RPH3A: variants seen among roughly 807,000 people sequenced by gnomAD.
RPH3A encodes the protein rabphilin 3A.
Under a neutral mutation model 102.2 loss-of-function variants are expected in RPH3A, and 48 were observed. The ratio of observed to expected loss-of-function variants is 0.47; its 90% confidence interval spans 0.37 to 0.60. RPH3A has a LOEUF of 0.60. RPH3A is among the 20% of genes least tolerant of loss of function. The pLI, the probability that RPH3A is intolerant of heterozygous loss-of-function variation, is 0.00. For synonymous variants in RPH3A, 310 were observed against 324.3 expected (o/e 0.96, Z 0.47); for missense variants, 781 against 910.1 (o/e 0.86, Z 1.83).
intron 2 of RPH3A, among the ~76,000 whole-genome samples, chr12:112,823,494 C>T (rs772269664): frequency 1.3e-5 from 2 of 152,240 alleles, no homozygotes; most frequent in African/African-American, 2.4e-5. Context: ...ATCCTATACC[C>T]GATAAGTATA....
intron 1 of RPH3A, among the ~76,000 whole-genome samples, chr12:112,668,424 A>G (rs759469480): frequency 3.9e-5 from 6 of 152,178 alleles, no homozygotes; most frequent in African/African-American, 9.6e-5. Context: ...AATGGCATCA[A>G]TGATAAACTG....
intron 7 of RPH3A, among the ~76,000 whole-genome samples, chr12:112,867,333 G>C (rs1211404347): frequency 6.6e-6 from 1 of 151,724 alleles, no homozygotes; most frequent in East Asian, 1.9e-4. Flanking sequence ...CCCCAGTCCT[G>C]CTTCTTACTC....
At chr12:112,631,259 C>T (rs2135985986) in intron 1 of RPH3A, among the ~76,000 whole-genome samples, 1 of 152,230 alleles carries the variant, frequency 6.6e-6, no homozygotes, top group African/African-American at 2.4e-5. Flanking sequence ...GCAAGGTAGA[C>T]TTTGCTGAAG....
chr12:112,587,976 T>C (rs2039450392), intron 1 of RPH3A, among the ~76,000 whole-genome samples: 1 of 152,196 alleles, frequency 6.6e-6, no homozygotes, highest in African/African-American at 2.4e-5. Flanking sequence ...GATTATAATC[T>C]TCTTGAAGGA....
intron 1 of RPH3A, among the ~76,000 whole-genome samples, chr12:112,706,319 G>A (rs918111762): frequency 1.3e-5 from 2 of 152,144 alleles, no homozygotes; most frequent in African/African-American, 4.8e-5. Flanking sequence ...CAACTCTTCA[G>A]GTGGGATAAC....
intron 1 of RPH3A, among the ~76,000 whole-genome samples, chr12:112,641,673 C>T (rs1202373396): frequency 2.0e-5 from 3 of 152,212 alleles, no homozygotes; most frequent in Admixed American, 1.3e-4. Flanking sequence ...GCTGGGATTA[C>T]AGGCATGAGC....
At chr12:112,763,667 T>C (rs2040869372) in intron 1 of RPH3A, among the ~76,000 whole-genome samples, 1 of 152,204 alleles carries the variant, frequency 6.6e-6, no homozygotes, top group Admixed American at 6.5e-5. Context: ...AGATTGTAAA[T>C]GTTTCTTATC....
At chr12:112,883,964 C>T (rs1376356735) in intron 16 of RPH3A, among the ~76,000 whole-genome samples, 5 of 152,188 alleles carry the variant, frequency 3.3e-5, no homozygotes, top group Middle Eastern at 3.4e-3. Context: ...CTGCTAGGAA[C>T]ATTCTAGTAG....
chr12:112,811,675 T>C (rs1323317792), intron 2 of RPH3A, among the ~76,000 whole-genome samples: 1 of 152,198 alleles, frequency 6.6e-6, no homozygotes, highest in Non-Finnish European at 1.5e-5. Context: ...TGAATGACCA[T>C]GAAAGGGTCA....
At chr12:112,750,643 G>A (rs956425107) in intron 1 of RPH3A, among the ~76,000 whole-genome samples, 4 of 152,154 alleles carry the variant, frequency 2.6e-5, no homozygotes, top group Non-Finnish European at 5.9e-5. Context: ...AAGAGAGGAT[G>A]CTGCTATGTC....
intron 1 of RPH3A, among the ~76,000 whole-genome samples, chr12:112,658,867 C>T (rs141821473): frequency 1.9e-4 from 29 of 152,232 alleles, no homozygotes; most frequent in African/African-American, 5.1e-4. Flanking sequence ...TCCAGGCCAA[C>T]GGCGCCTCAT....
At chr12:112,630,151 C>CCCATCCAT (rs957110656) in intron 1 of RPH3A, among the ~76,000 whole-genome samples, 5 of 151,944 alleles carry the variant, frequency 3.3e-5, no homozygotes, top group African/African-American at 1.2e-4. Context: ...CACCCACCCA[C>CCCATCCAT]CCATCCATCC....
At chr12:112,629,731 C>A (rs1375671491) in intron 1 of RPH3A, among the ~76,000 whole-genome samples, 2 of 151,862 alleles carry the variant, frequency 1.3e-5, no homozygotes, top group African/African-American at 4.8e-5. Context: ...CCCACCTGGG[C>A]CTTTCAATGT....
chr12:112,790,504 T>C (rs1192664688), upstream of RPH3A, among the ~76,000 whole-genome samples: 2 of 152,200 alleles, frequency 1.3e-5, no homozygotes, highest in African/African-American at 4.8e-5. Flanking sequence ...GAGTCTCCAA[T>C]AGAGAGAGTT....
chr12:112,871,263 A>G (rs187235430), intron 10 of RPH3A, among the ~76,000 whole-genome samples: 33 of 152,346 alleles, frequency 2.2e-4, no homozygotes, highest in African/African-American at 7.5e-4. Flanking sequence ...AAGTACATTC[A>G]CACGGTTACA....
At chr12:112,756,345 TG>T in intron 1 of RPH3A, among the ~76,000 whole-genome samples, 1 of 152,270 alleles carries the variant, frequency 6.6e-6, no homozygotes, top group Admixed American at 6.5e-5. Context: ...CCAAAGTAGC[TG>T]GGATTACAGG....
At chr12:112,785,238 A>AG (rs1783500498) in intron 1 of RPH3A, among the ~76,000 whole-genome samples, 1 of 151,570 alleles carries the variant, frequency 6.6e-6, no homozygotes, top group Admixed American at 6.6e-5. Context: ...AAGAAAAAAA[A>AG]AAAAAAGATA....
intron 2 of RPH3A, among the ~76,000 whole-genome samples, chr12:112,806,994 T>C (rs1174257502): frequency 6.6e-6 from 1 of 151,970 alleles, no homozygotes; most frequent in African/African-American, 2.4e-5. Context: ...TTCTTGGCAG[T>C]GGGAGCAATA....
intron 3 of RPH3A, among the ~76,000 whole-genome samples, chr12:112,834,193 T>G (rs1234299398): frequency 6.6e-6 from 1 of 152,272 alleles, no homozygotes; most frequent in Non-Finnish European, 1.5e-5. Flanking sequence ...GTTTGCATTT[T>G]CTGGAATTTC....
Sources: allele counts gnomAD v4.1 joint callset (sites outside exome capture counted in the v4.1 genomes callset), GRCh38; gene constraint gnomAD v4.1.1; transcripts MANE v1.5; gene names NCBI Gene and HGNC (gene_info 2026-07-23, HGNC 2026-07-21).